Variants in SNX27 observed in about 807,000 individuals in gnomAD.
The protein encoded by SNX27 is sorting nexin 27.
SNX27 carries 22 observed loss-of-function variants against 71.6 expected under a neutral mutation model. The ratio of observed to expected loss-of-function variants is 0.31; its 90% CI spans 0.22 to 0.44. The LOEUF is 0.44. SNX27 is among the 20% of genes least tolerant of loss of function. SNX27 has a pLI of 1.00. For synonymous variants in SNX27, 269 were observed against 277.2 expected, an observed-to-expected ratio of 0.97 and a Z score of 0.29; for missense variants, 531 against 698.6, an observed-to-expected ratio of 0.76 and a Z score of 2.70.
chr1:151,673,549 A>C lies in SNX27; in HGVS notation c.1149+4914A>C, dbSNP rs139280604. ...AATGTCTATTAGATTCATTTGGTCT[A>C]TAATGCAGATTAAGTCCATTGTATC... On this transcript the variant is annotated intron_variant, in intron 7 of 11. Coordinates refer to ENST00000458013, the MANE Select transcript of SNX27 (RefSeq NM_001330723.2). Among the ~76,000 whole-genome samples the C allele has an allele frequency of 3.3e-5, 5 of 152,318 alleles. No individual in the cohort carries two copies. The East Asian group carries it at 5.8e-4, about 18-fold the overall frequency.
chr1:151,675,543 G>GT (rs1178455344), intron 7 of SNX27, among the ~76,000 whole-genome samples: 1 of 151,398 alleles, frequency 6.6e-6, no homozygotes, highest in Non-Finnish European at 1.5e-5. Flanking sequence ...TTGTTCCAGA[G>GT]TTTTTTTGTT....
chr1:151,691,732 T>G lies in SNX27; in HGVS notation c.1240-703T>G, dbSNP rs1485815451. 1.7e-4 allele frequency among the ~76,000 whole-genome samples: 26 copies of G among 151,856 alleles called. 2 individuals carry two copies. Among genetic ancestry groups the G allele is most frequent in the Admixed American group, 1.7e-3 (26 of 15,252 alleles). On this transcript the variant is annotated intron_variant, in intron 8 of 11. Coordinates refer to ENST00000458013, the MANE Select transcript of SNX27 (RefSeq NM_001330723.2). ...GGTTTCACTGTGTTAGCCAGGATGGTCTTGATTTCCTGACCTCGTGATCCA... is the reference window on the plus strand; with the variant it reads ...GGTTTCACTGTGTTAGCCAGGATGGGCTTGATTTCCTGACCTCGTGATCCA...
chr1:151,664,895 C>G (rs1021905109), intron 5 of SNX27, among the ~76,000 whole-genome samples: 2 of 152,126 alleles, frequency 1.3e-5, no homozygotes, highest in African/African-American at 4.8e-5. Flanking sequence ...ACTGAGACTT[C>G]TAGCTATAAA....
chr1:151,679,931 A>T (rs1186414641), intron 7 of SNX27: 1 of 152,146 alleles, frequency 6.6e-6, no homozygotes, highest in African/African-American at 2.4e-5. Flanking sequence ...TTATGGAGGG[A>T]TTATCACAAG....
intron 2 of SNX27, among the ~76,000 whole-genome samples, chr1:151,652,242 G>GGGAGAC (rs1558054336): frequency 1.2e-4 from 17 of 141,320 alleles, no homozygotes; most frequent in South Asian, 4.5e-4. Flanking sequence ...GAGAGGGAGA[G>GGGAGAC]GGAGACGGAG....
intron 2 of SNX27, among the ~76,000 whole-genome samples, chr1:151,655,072 G>T (rs1322881990): frequency 1.3e-5 from 2 of 151,766 alleles, no homozygotes; most frequent in African/African-American, 4.8e-5. Context: ...GTGATTGGGT[G>T]CTAGATTTTG....
rs1305139398 is a variant in SNX27, at chr1:151,694,445, C to T, written c.*28C>T. The T allele has an allele frequency of 1.9e-6, 3 of 1,544,974 alleles. No individual in the cohort carries two copies. The South Asian group carries it at 3.6e-5, about 18-fold the overall frequency. Reference sequence around the variant, plus strand: ...TTTCCTTATCCCCTTCCCTTCCCTTCACCCCCATCCTCTTACTCCTTTCAT... The same window carrying T: ...TTTCCTTATCCCCTTCCCTTCCCTTTACCCCCATCCTCTTACTCCTTTCAT... On this transcript the variant is annotated 3_prime_UTR_variant, in exon 12 of 12. Transcript: ENST00000458013.
chr1:151,633,750 C>G (rs764727682), intron 1 of SNX27, among the ~76,000 whole-genome samples: 6 of 152,096 alleles, frequency 3.9e-5, no homozygotes, highest in Non-Finnish European at 8.8e-5. Flanking sequence ...TTCCTCCCGC[C>G]GAGTGTATTT....
intron 7 of SNX27, among the ~76,000 whole-genome samples, chr1:151,671,900 C>T (rs192281596): frequency 7.2e-4 from 110 of 152,096 alleles, no homozygotes; most frequent in African/African-American, 2.6e-3. Flanking sequence ...AATAGTTTTT[C>T]GGTGGAGTCT....
intron 7 of SNX27, chr1:151,680,201 G>C (rs185535417): frequency 3.0e-4 from 45 of 149,444 alleles, no homozygotes; most frequent in African/African-American, 9.9e-4. Flanking sequence ...TCCCAGGCTG[G>C]AGTGCAGTGG....
chr1:151,648,370 A>G (rs1669156550), intron 2 of SNX27, among the ~76,000 whole-genome samples: 2 of 149,216 alleles, frequency 1.3e-5, no homozygotes, highest in African/African-American at 2.5e-5. Flanking sequence ...AAGAGATTAA[A>G]CATGAGAAAA....
intron 7 of SNX27, chr1:151,677,173 A>G (rs904992748): frequency 6.6e-6 from 1 of 152,134 alleles, no homozygotes; most frequent in Admixed American, 6.5e-5. Flanking sequence ...TCCTATTACT[A>G]TTCCAACTGG....
In SNX27 at chr1:151,696,668, T is replaced by TTTCC. The variant is rs879141599; in HGVS notation, c.*2252_*2253insTCCT. ...TTTTTTCTGTTTTTTTTTTTTTTTTTTCCCAGAGTCTTGCTCTGTCGCCCA... is the reference window on the plus strand; with the variant it reads ...TTTTTTCTGTTTTTTTTTTTTTTTTTTTCCTCCCAGAGTCTTGCTCTGTCGCCCA... On this transcript the variant is annotated 3_prime_UTR_variant, in exon 12 of 12. Coordinates refer to ENST00000458013, the MANE Select transcript of SNX27 (RefSeq NM_001330723.2). 7.6e-6 allele frequency: 1 copy of TTTCC among 131,868 alleles called. No homozygotes were observed. Among genetic ancestry groups the TTTCC allele is most frequent in the African/African-American group, 3.0e-5 (1 of 33,846 alleles). 8.2% of individuals were successfully genotyped at this position (131,868 alleles called of 1,614,324 possible). A position where few individuals can be genotyped will look rare whatever the true frequency, so the allele number is the denominator to read the frequency against.
At chr1:151,650,855 C>T (rs530217793) in intron 2 of SNX27, among the ~76,000 whole-genome samples, 13 of 151,850 alleles carry the variant, frequency 8.6e-5, no homozygotes, top group Non-Finnish European at 1.3e-4. Context: ...CATCTTGCAC[C>T]GCCCTTAATC....
chr1:151,673,903 G>A (rs930663764), intron 7 of SNX27, among the ~76,000 whole-genome samples: 7 of 151,774 alleles, frequency 4.6e-5, no homozygotes, highest in African/African-American at 1.5e-4. Context: ...TTTTCCATCC[G>A]TTTATTTTCC....
intron 6 of SNX27, chr1:151,666,765 A>G (rs1463918627): frequency 6.6e-6 from 1 of 152,230 alleles, no homozygotes; most frequent in African/African-American, 2.4e-5. Context: ...AGGTAGAATA[A>G]CTTTGATTCC....
Position 151,638,880 on chromosome 1 carries a change from C to G in SNX27, c.312-8C>G, listed in dbSNP as rs1486329976. On this transcript the variant is annotated splice_polypyrimidine_tract_variant and splice_region_variant and intron_variant, in intron 1 of 11. Transcript: ENST00000458013. Reference sequence around the variant, plus strand: ...TATGGGATTGTCTTTTTCCCTTTTTCCCCTTAGGAACCACGTGAATGTTGA... The same window carrying G: ...TATGGGATTGTCTTTTTCCCTTTTTGCCCTTAGGAACCACGTGAATGTTGA... 1 of 1,612,188 alleles carries G rather than the reference C, an allele frequency of 6.2e-7. No individual in the cohort carries two copies. Among genetic ancestry groups the G allele is most frequent in the Non-Finnish European group, 8.5e-7 (1 of 1,179,408 alleles).
At chr1:151,687,125 T>C (rs894200744) in intron 8 of SNX27, among the ~76,000 whole-genome samples, 3 of 152,226 alleles carry the variant, frequency 2.0e-5, no homozygotes, top group East Asian at 1.9e-4. Context: ...TTCTCTTCCT[T>C]CCTCCCTCCC....
rs572662153 is a variant in SNX27 at position 151,651,965 on chromosome 1, C to G, written c.544-6270C>G. Among the ~76,000 whole-genome samples the G allele has an allele frequency of 4.6e-5, 7 of 152,220 alleles. No homozygotes were observed. In the East Asian group the frequency reaches 1.4e-3, roughly 29 times the overall value. ...CTGCAATCCCGGCACCTGGGGAGGC[C>G]GAGGCTGGCGGATCACTTGCGGTTA... On this transcript the variant is annotated intron_variant, in intron 2 of 11. Transcript: ENST00000458013.
Sources: gnomAD v4.1 joint callset for allele counts (sites outside exome capture counted in the v4.1 genomes callset) on GRCh38, gnomAD v4.1.1 for gene constraint, MANE v1.5 for transcripts, NCBI Gene and HGNC (gene_info 2026-07-23, HGNC 2026-07-21) for gene names.